PHACTR1: variants seen among roughly 807,000 people sequenced by gnomAD.
The protein encoded by PHACTR1 is phosphatase and actin regulator 1.
Under a neutral mutation model 69.2 loss-of-function variants are expected in PHACTR1, and 16 were observed. The ratio of observed to expected loss-of-function variants is 0.23; its 90% CI spans 0.16 to 0.35. PHACTR1 has a LOEUF of 0.35. Ranked by LOEUF, PHACTR1 falls within the 10% of genes least tolerant of loss-of-function variation. The probability of loss-of-function intolerance (pLI) is 1.00; values close to 1 mark genes in which losing one functional copy is unlikely to be tolerated. For synonymous variants in PHACTR1, 312 were observed against 284.5 expected (o/e 1.10, Z -0.97); for missense variants, 510 against 734.7 (o/e 0.69, Z 3.54).
intron 4 of PHACTR1, among the ~76,000 whole-genome samples, chr6:12,967,632 A>G (rs1413630409): frequency 6.6e-6 from 1 of 151,502 alleles, no homozygotes; most frequent in Non-Finnish European, 1.5e-5. Context: ...GTAGAAACAA[A>G]GGCTATGACA....
intron 8 of PHACTR1, among the ~76,000 whole-genome samples, chr6:13,224,034 G>T (rs1184071294): frequency 6.6e-6 from 1 of 152,058 alleles, no homozygotes; most frequent in Non-Finnish European, 1.5e-5. Context: ...TTTGCTGACT[G>T]CTTACAAATA....
intron 4 of PHACTR1, among the ~76,000 whole-genome samples, chr6:12,768,542 G>A (rs1029748987): frequency 1.4e-5 from 2 of 147,660 alleles, no homozygotes; most frequent in Admixed American, 1.4e-4. Flanking sequence ...GGGTTTGGGT[G>A]GGTGGATTAG....
chr6:12,729,249 ACAAATTC>A (rs1303917020), intron 3 of PHACTR1, among the ~76,000 whole-genome samples: 1 of 152,224 alleles, frequency 6.6e-6, no homozygotes, highest in Non-Finnish European at 1.5e-5. Flanking sequence ...AAAATTACTA[ACAAATTC>A]CAAAAGTATC....
At chr6:12,830,199 CA>C (rs1180564950) in intron 4 of PHACTR1, among the ~76,000 whole-genome samples, 1 of 150,472 alleles carries the variant, frequency 6.6e-6, no homozygotes. Context: ...ATTTAATTCA[CA>C]ACTAAGTGAA....
chr6:12,864,407 G>A (rs1781243525), intron 4 of PHACTR1, among the ~76,000 whole-genome samples: 1 of 152,166 alleles, frequency 6.6e-6, no homozygotes. Context: ...CAGGTCGGGC[G>A]CCCTGGCTCA....
At chr6:13,207,458 C>G (rs550049399) in intron 8 of PHACTR1, among the ~76,000 whole-genome samples, 13 of 152,294 alleles carry the variant, frequency 8.5e-5, no homozygotes, top group African/African-American at 2.9e-4. Flanking sequence ...TGCCTCCAGT[C>G]GCTCTTCGGG....
chr6:12,944,787 A>ATTTTTTT (rs67157877), intron 4 of PHACTR1, among the ~76,000 whole-genome samples: 12 of 116,394 alleles, frequency 1.0e-4, no homozygotes, highest in South Asian at 5.2e-4. Flanking sequence ...ATTTTTATTT[A>ATTTTTTT]TTTTTTTTTT....
chr6:12,894,757 T>C (rs926074589), intron 4 of PHACTR1, among the ~76,000 whole-genome samples: 1 of 152,214 alleles, frequency 6.6e-6, no homozygotes, highest in Non-Finnish European at 1.5e-5. Flanking sequence ...TGGAATCGAA[T>C]GTCTATTTTA....
chr6:12,908,333 G>C (rs113451728), intron 4 of PHACTR1, among the ~76,000 whole-genome samples: 12 of 152,150 alleles, frequency 7.9e-5, no homozygotes, highest in Admixed American at 7.9e-4. Flanking sequence ...ATTAAAAATA[G>C]AATTGGACAA....
chr6:13,221,242 G>C (rs900271895), intron 8 of PHACTR1, among the ~76,000 whole-genome samples: 1 of 152,112 alleles, frequency 6.6e-6, no homozygotes, highest in Non-Finnish European at 1.5e-5. Flanking sequence ...TGGAACCCTA[G>C]GAAGATGGTA....
chr6:13,136,837 T>C (rs1433447974), intron 5 of PHACTR1, among the ~76,000 whole-genome samples: 1 of 152,210 alleles, frequency 6.6e-6, no homozygotes, highest in Non-Finnish European at 1.5e-5. Flanking sequence ...ACTTCATTTA[T>C]CAATTAAGTT....
At chr6:12,787,054 A>G (rs1771628819) in intron 4 of PHACTR1, among the ~76,000 whole-genome samples, 1 of 152,234 alleles carries the variant, frequency 6.6e-6, no homozygotes, top group African/African-American at 2.4e-5. Flanking sequence ...GAAAGTCAGG[A>G]CCATTTTCCA....
At chr6:12,984,616 T>A (rs1297823404) in intron 4 of PHACTR1, among the ~76,000 whole-genome samples, 1 of 152,246 alleles carries the variant, frequency 6.6e-6, no homozygotes, top group Non-Finnish European at 1.5e-5. Context: ...CCTTTTAATA[T>A]ATGGTCACCA....
chr6:12,884,922 A>G (rs1783486338), intron 4 of PHACTR1, among the ~76,000 whole-genome samples: 2 of 152,336 alleles, frequency 1.3e-5, no homozygotes, highest in South Asian at 4.1e-4. Context: ...GCTTACTTTA[A>G]TAGGAGAGCT....
Position 13,065,496 on chromosome 6 carries a change from G to A in PHACTR1, c.415+11967G>A, listed in dbSNP as rs1278355284. On this transcript the variant is annotated intron_variant, in intron 5 of 14. Coordinates refer to ENST00000332995, the MANE Select transcript of PHACTR1 (RefSeq NM_030948.6). ...CATCATTGGTGTCCTTTGGGATTAT[G>A]ACTTTAGGGAAGCCACGTAGCTGGG... Among the ~76,000 whole-genome samples the A allele has an allele frequency of 2.6e-5, 4 of 152,120 alleles. No homozygotes were observed. The East Asian group carries it at 7.7e-4, about 29-fold the overall frequency.
intron 4 of PHACTR1, among the ~76,000 whole-genome samples, chr6:12,912,471 G>A (rs1490501189): frequency 2.0e-5 from 3 of 152,164 alleles, no homozygotes; most frequent in Non-Finnish European, 2.9e-5. Context: ...TTTCTGGCTG[G>A]TAATTTTAGT....
At chr6:13,162,395 G>A (rs1416951844) in intron 6 of PHACTR1, among the ~76,000 whole-genome samples, 1 of 151,862 alleles carries the variant, frequency 6.6e-6, no homozygotes, top group Non-Finnish European at 1.5e-5. Context: ...CCAAAGTGCT[G>A]GGATTACAGG....
rs115925343 is a variant in PHACTR1, at chr6:13,287,126, A to C, written c.*48A>C. ...TATGCTGTCTTCAAAACATAAATTT[A>C]TAAGAACCATAAGTGCTGGTATTTA... is the stretch of plus-strand genomic sequence containing the variant. On this transcript the variant is annotated 3_prime_UTR_variant, in exon 15 of 15. Transcript: ENST00000332995. The C allele has an allele frequency of 9.4e-4, 1,432 of 1,519,232 alleles. 15 individuals carry two copies. In the African/African-American group the frequency reaches 0.017, roughly 18 times the overall value. 94.1% of individuals were successfully genotyped at this position (1,519,232 alleles called of 1,614,324 possible).
At chr6:12,911,198 T>G (rs1786341854) in intron 4 of PHACTR1, among the ~76,000 whole-genome samples, 2 of 152,220 alleles carry the variant, frequency 1.3e-5, no homozygotes, top group Non-Finnish European at 2.9e-5. Context: ...TGTTGTGGAT[T>G]CTGCCTAGCC....
Sources: gnomAD v4.1 joint callset for allele counts (sites outside exome capture counted in the v4.1 genomes callset) on GRCh38, gnomAD v4.1.1 for gene constraint, MANE v1.5 for transcripts, NCBI Gene and HGNC (gene_info 2026-07-23, HGNC 2026-07-21) for gene names.